The following HDAC4 variants were observed in gnomAD, a reference collection of about 807,000 sequenced individuals.
The protein encoded by HDAC4 is histone deacetylase A.
In HDAC4, 16 loss-of-function variants were observed where a neutral mutation model predicts 135.1. The observed-to-expected ratio is 0.12, with a 90% CI of 0.08 to 0.18. HDAC4 has a LOEUF of 0.18. HDAC4 is among the 10% of genes least tolerant of loss of function. The pLI, the probability that HDAC4 is intolerant of heterozygous loss-of-function variation, is 1.00. For synonymous variants in HDAC4, 685 were observed against 653.4 expected, an observed-to-expected ratio of 1.05 and a Z score of -0.74; for missense variants, 1,143 against 1,511.8, an observed-to-expected ratio of 0.76 and a Z score of 4.05.
At chr2:239,055,613 A>G (rs1383373837) in intron 24 of HDAC4, among the ~76,000 whole-genome samples, 1 of 151,134 alleles carries the variant, frequency 6.6e-6, no homozygotes, top group African/African-American at 2.4e-5. Flanking sequence ...GCTACTCGGG[A>G]GGCTGAGGCA....
At chr2:239,366,088 A>G (rs554353036) in intron 1 of HDAC4, among the ~76,000 whole-genome samples, 1 of 149,198 alleles carries the variant, frequency 6.7e-6, no homozygotes, top group East Asian at 2.0e-4. Flanking sequence ...ACACGCATGC[A>G]CAGAGCAGGG....
chr2:239,094,149 C>A, intron 17 of HDAC4: 9 of 985,472 alleles, frequency 9.1e-6, no homozygotes, highest in Non-Finnish European at 1.1e-5. Flanking sequence ...CTGCCTGTAA[C>A]CGTCTGTGGT....
chr2:239,074,158 T>C (rs2152645070), intron 22 of HDAC4, among the ~76,000 whole-genome samples: 1 of 152,364 alleles, frequency 6.6e-6, no homozygotes, highest in South Asian at 2.1e-4. Context: ...GGAGACTCGC[T>C]TCTAATTATT....
At chr2:239,283,920 G>C (rs1559326585) in intron 2 of HDAC4, among the ~76,000 whole-genome samples, 1 of 152,234 alleles carries the variant, frequency 6.6e-6, no homozygotes. Context: ...GAGAAGTGGA[G>C]AGCAGTTCCA....
At chr2:239,155,252 G>T (rs1380211212) in intron 7 of HDAC4, among the ~76,000 whole-genome samples, 1 of 151,272 alleles carries the variant, frequency 6.6e-6, no homozygotes, top group Non-Finnish European at 1.5e-5. Context: ...TGGGAACATG[G>T]CCGGCCTGAT....
intron 3 of HDAC4, among the ~76,000 whole-genome samples, chr2:239,223,146 A>G (rs1033864287): frequency 6.6e-6 from 1 of 152,254 alleles, no homozygotes; most frequent in African/African-American, 2.4e-5. Context: ...AACGCATTTC[A>G]GAATTTCCTT....
At chr2:239,335,024 CAAAAAAA>C (rs35641548) in intron 2 of HDAC4, among the ~76,000 whole-genome samples, 8 of 94,508 alleles carry the variant, frequency 8.5e-5, no homozygotes, top group African/African-American at 3.4e-4. Context: ...GACTCCATCT[CAAAAAAA>C]AAAAAAAAAA....
chr2:239,298,642 A>T, intron 2 of HDAC4: 2 of 988,310 alleles, frequency 2.0e-6, no homozygotes, highest in Non-Finnish European at 2.4e-6. Context: ...CACTCTTTAC[A>T]GAGCCGTGAG....
At chr2:239,155,634 G>A (rs1002907972) in intron 7 of HDAC4, 2 of 152,510 alleles carry the variant, frequency 1.3e-5, no homozygotes, top group Non-Finnish European at 2.9e-5. Flanking sequence ...CCCTCACAAA[G>A]CCTCATTGTT....
rs1018280304 is a variant in HDAC4, at chr2:239,306,697, G to A, written c.22+45981C>T. Among the ~76,000 whole-genome samples, 1 of 152,186 alleles carries A rather than the reference G, an allele frequency of 6.6e-6. No individual in the cohort carries two copies. Among genetic ancestry groups the A allele is most frequent in the African/African-American group, 2.4e-5 (1 of 41,456 alleles). The stretch of plus-strand genomic sequence containing the variant: ...CAGAACCCAGGTCCTCGGGCGCAGA[G>A]CATCCAGGGCCCAGGGCCCACAGGG... On this transcript the variant is annotated intron_variant, in intron 2 of 26. Transcript: ENST00000543185. This position sits in a 1 kb window ranked among gnomAD's most constrained non-coding sequence, Gnocchi z 4.5.
intron 2 of HDAC4, among the ~76,000 whole-genome samples, chr2:239,342,156 A>G (rs1692337231): frequency 6.6e-6 from 1 of 152,226 alleles, no homozygotes; most frequent in African/African-American, 2.4e-5. Context: ...GAACAAAGGC[A>G]TCACCTAAAC....
chr2:239,353,625 G>A (rs1038062502), intron 1 of HDAC4, among the ~76,000 whole-genome samples: 1 of 152,040 alleles, frequency 6.6e-6, no homozygotes. Context: ...AGGTCCTCTG[G>A]GGGATAATAT....
intron 9 of HDAC4, among the ~76,000 whole-genome samples, chr2:239,135,025 T>C (rs977822053): frequency 1.3e-5 from 2 of 152,270 alleles, no homozygotes; most frequent in African/African-American, 2.4e-5. Context: ...TAGTTGGCAA[T>C]GTCTTTCCAG....
At chr2:239,210,047 T>C (rs575682805) in intron 3 of HDAC4, among the ~76,000 whole-genome samples, 14 of 152,286 alleles carry the variant, frequency 9.2e-5, no homozygotes, top group South Asian at 2.1e-4. Context: ...GGCTTTCTCA[T>C]AGACAGCCGA....
chr2:239,090,925 G>A (rs1382121423), intron 17 of HDAC4, among the ~76,000 whole-genome samples: 2 of 152,182 alleles, frequency 1.3e-5, no homozygotes, highest in African/African-American at 2.4e-5. Context: ...CTCCTGTGCC[G>A]AGTTTAACTG....
At chr2:239,357,370 G>A (rs1271188231) in intron 1 of HDAC4, among the ~76,000 whole-genome samples, 1 of 151,644 alleles carries the variant, frequency 6.6e-6, no homozygotes, top group Admixed American at 6.6e-5. Context: ...CCAAATGCCT[G>A]TATTAGAAAA....
At chr2:239,253,764 C>G (rs1165693131) in intron 2 of HDAC4, among the ~76,000 whole-genome samples, 1 of 152,324 alleles carries the variant, frequency 6.6e-6, no homozygotes, top group East Asian at 1.9e-4. Context: ...GCAAACGGCC[C>G]TCTGAGCAGG....
chr2:239,139,783 G>A lies in HDAC4; in HGVS notation c.879C>T (p.Ser293=), dbSNP rs769946926. 5 of 1,613,758 alleles carry A rather than the reference G, an allele frequency of 3.1e-6. No homozygotes were observed. Among genetic ancestry groups the A allele is most frequent in the Non-Finnish European group, 4.2e-6 (5 of 1,179,934 alleles). The change falls in exon 9 of 27, where the codon AGC becomes AGT. Residue 293 remains serine, a synonymous_variant. Transcript: ENST00000543185. This position sits in a 1 kb window ranked among gnomAD's most constrained non-coding sequence, Gnocchi z 5.3. ...RPLDVTDSAC[S]SAPGSGPSSP... ...AGCTGGGTCCGGAGCCTGGGGCGCT[G>A]CTGCACGCGGAGTCTGCGGAGGCAG...
At chr2:239,196,066 A>C (rs2045358017) in intron 3 of HDAC4, among the ~76,000 whole-genome samples, 1 of 152,130 alleles carries the variant, frequency 6.6e-6, no homozygotes, top group Non-Finnish European at 1.5e-5. Context: ...GTAAAGAATG[A>C]CTCATTCAAA....
Sources: gnomAD v4.1 joint callset for allele counts (sites outside exome capture counted in the v4.1 genomes callset) on GRCh38, gnomAD v4.1.1 for gene constraint, Gnocchi (gnomAD v3.1) non-coding constraint, MANE v1.5 for transcripts, NCBI Gene and HGNC (gene_info 2026-07-23, HGNC 2026-07-21) for gene names.